CSMD1: variants seen among roughly 807,000 people sequenced by gnomAD.
CSMD1 encodes the protein CUB and Sushi multiple domains 1.
CSMD1 carries 213 observed loss-of-function variants against 417.5 expected under a neutral mutation model. The ratio of observed to expected loss-of-function variants is 0.51; its 90% confidence interval spans 0.46 to 0.57. CSMD1 has a LOEUF of 0.57. CSMD1 is among the 20% of genes least tolerant of loss of function. CSMD1 has a pLI of 0.00. For missense variants in CSMD1, 6,923 were observed against 4,529.7 expected (o/e 1.53, Z -15.17); for synonymous variants, 2,862 against 1,736.8 (o/e 1.65, Z -16.11).
intron 2 of CSMD1, among the ~76,000 whole-genome samples, chr8:4,608,352 G>A (rs1020303299): frequency 2.8e-4 from 42 of 152,172 alleles, no homozygotes; most frequent in African/African-American, 9.9e-4. Context: ...TAGCCACGGT[G>A]GTGGCTGACC....
chr8:3,406,979 A>G (rs900275329), intron 14 of CSMD1, among the ~76,000 whole-genome samples: 6 of 152,172 alleles, frequency 3.9e-5, no homozygotes, highest in Admixed American at 1.3e-4. Context: ...AGAAAGATGC[A>G]TAAGTGGCTG....
intron 3 of CSMD1, among the ~76,000 whole-genome samples, chr8:4,186,344 C>G (rs180803426): frequency 6.6e-6 from 1 of 152,082 alleles, no homozygotes; most frequent in African/African-American, 2.4e-5. Flanking sequence ...ATGGCCCAGC[C>G]CTGGGCTGAT....
chr8:3,461,938 G>C (rs1409836357), intron 12 of CSMD1, among the ~76,000 whole-genome samples: 1 of 152,234 alleles, frequency 6.6e-6, no homozygotes, highest in Admixed American at 6.5e-5. Flanking sequence ...TAAGGAGGCA[G>C]ATCCTCACAT....
intron 5 of CSMD1, among the ~76,000 whole-genome samples, chr8:3,864,861 C>G (rs984339800): frequency 2.6e-5 from 4 of 152,142 alleles, no homozygotes; most frequent in African/African-American, 7.2e-5. Flanking sequence ...TTTGGCCAGA[C>G]TAGAATTAAA....
chr8:3,184,362 G>C (rs1031968092), intron 36 of CSMD1, among the ~76,000 whole-genome samples: 1 of 152,140 alleles, frequency 6.6e-6, no homozygotes, highest in Non-Finnish European at 1.5e-5. Flanking sequence ...GTGCAAAGCA[G>C]AACCTTCCCT....
chr8:3,141,911 C>T (rs1002756329), intron 41 of CSMD1, among the ~76,000 whole-genome samples: 11 of 151,886 alleles, frequency 7.2e-5, no homozygotes, highest in Admixed American at 3.9e-4. Context: ...CACTCTCCTG[C>T]CTCAGCCTCC....
At chr8:4,204,721 C>G (rs1164287799) in intron 3 of CSMD1, among the ~76,000 whole-genome samples, 2 of 152,164 alleles carry the variant, frequency 1.3e-5, no homozygotes, top group Non-Finnish European at 2.9e-5. Context: ...GCAGTCAGAT[C>G]ATAGCTCACT....
chr8:4,830,577 T>C (rs1329791511), intron 1 of CSMD1, among the ~76,000 whole-genome samples: 1 of 152,180 alleles, frequency 6.6e-6, no homozygotes, highest in African/African-American at 2.4e-5. Context: ...CCATTACAAA[T>C]TAGATAGATG....
At chr8:4,408,695 C>G (rs1469463259) in intron 3 of CSMD1, among the ~76,000 whole-genome samples, 2 of 152,020 alleles carry the variant, frequency 1.3e-5, no homozygotes, top group African/African-American at 4.8e-5. Flanking sequence ...AAGAATAAGC[C>G]CATAGTTGAC....
chr8:4,376,395 C>T (rs1302613695), intron 3 of CSMD1, among the ~76,000 whole-genome samples: 1 of 152,110 alleles, frequency 6.6e-6, no homozygotes, highest in African/African-American at 2.4e-5. Context: ...GTAACCCGTG[C>T]TGTGATTCTC....
chr8:4,764,171 C>T (rs950650467), intron 1 of CSMD1, among the ~76,000 whole-genome samples: 1 of 152,186 alleles, frequency 6.6e-6, no homozygotes, highest in Non-Finnish European at 1.5e-5. Context: ...GGAGCACCCA[C>T]TGCTGAAATC....
intron 3 of CSMD1, among the ~76,000 whole-genome samples, chr8:4,314,417 C>G (rs1182509119): frequency 6.6e-6 from 1 of 152,178 alleles, no homozygotes; most frequent in African/African-American, 2.4e-5. Context: ...AATAAGTGTT[C>G]TATTTCAGGA....
At chr8:3,991,741 T>C (rs555916512) in intron 5 of CSMD1, among the ~76,000 whole-genome samples, 1 of 152,280 alleles carries the variant, frequency 6.6e-6, no homozygotes, top group East Asian at 1.9e-4. Context: ...AAATTAGCGA[T>C]GAAATGTGGT....
chr8:3,055,963 G>A (rs1195357749), intron 49 of CSMD1, among the ~76,000 whole-genome samples: 1 of 152,122 alleles, frequency 6.6e-6, no homozygotes, highest in Non-Finnish European at 1.5e-5. Context: ...CAAAATGCGA[G>A]CCCTCTGTCC....
At chr8:4,580,608 C>G (rs921539506) in intron 2 of CSMD1, among the ~76,000 whole-genome samples, 3 of 152,062 alleles carry the variant, frequency 2.0e-5, no homozygotes, top group Non-Finnish European at 2.9e-5. Context: ...CATAACTGCT[C>G]TCTCCCCTCC....
intron 7 of CSMD1, among the ~76,000 whole-genome samples, chr8:3,619,415 A>G (rs965522210): frequency 1.3e-5 from 2 of 151,874 alleles, no homozygotes; most frequent in South Asian, 2.1e-4. Flanking sequence ...GCATACAAAG[A>G]AAGAGGGAAA....
intron 6 of CSMD1, among the ~76,000 whole-genome samples, chr8:3,719,045 T>C (rs76303132): frequency 0.034 from 5,168 of 152,220 alleles, 295 homozygotes; most frequent in African/African-American, 0.12. Flanking sequence ...ACTCTACGTA[T>C]TGAGATGTAG....
At chr8:3,489,434 C>G (rs1017577118) in intron 11 of CSMD1, among the ~76,000 whole-genome samples, 2 of 152,148 alleles carry the variant, frequency 1.3e-5, no homozygotes, top group African/African-American at 4.8e-5. Flanking sequence ...CCCCTGGTTA[C>G]CAATGGCTAA....
chr8:4,775,178 T>C (rs908735328), intron 1 of CSMD1, among the ~76,000 whole-genome samples: 1 of 152,200 alleles, frequency 6.6e-6, no homozygotes, highest in African/African-American at 2.4e-5. Flanking sequence ...ATTCTCAACA[T>C]CAACTAGAAT....
Sources: allele counts gnomAD v4.1 joint callset (sites outside exome capture counted in the v4.1 genomes callset), GRCh38; gene constraint gnomAD v4.1.1; transcripts MANE v1.5; gene names NCBI Gene and HGNC (gene_info 2026-07-23, HGNC 2026-07-21).